EXT1: variants seen among roughly 807,000 people sequenced by gnomAD.
The protein encoded by EXT1 is exostosin glycosyltransferase 1, also known as exostosin-1.
EXT1 carries 20 observed loss-of-function variants against 82.5 expected under a neutral mutation model. The observed-to-expected ratio is 0.24, with a 90% CI of 0.17 to 0.35. The LOEUF (loss-of-function observed/expected upper bound fraction) is 0.35, where lower values mean the gene tolerates loss of function less well. Ranked by LOEUF, EXT1 falls within the 10% of genes least tolerant of loss-of-function variation. EXT1 has a pLI of 1.00. For missense variants in EXT1, 757 were observed against 936.5 expected, an observed-to-expected ratio of 0.81 and a Z score of 2.50; for synonymous variants, 348 against 350.8, an observed-to-expected ratio of 0.99 and a Z score of 0.09.
chr8:117,911,213 G>C (rs1201795234), intron 1 of EXT1, among the ~76,000 whole-genome samples: 2 of 152,152 alleles, frequency 1.3e-5, no homozygotes, highest in Non-Finnish European at 2.9e-5. Flanking sequence ...TTCCCCAGTT[G>C]TGTAATTAAG....
At chr8:117,936,279 A>G (rs1284180475) in intron 1 of EXT1, among the ~76,000 whole-genome samples, 1 of 149,500 alleles carries the variant, frequency 6.7e-6, no homozygotes, top group African/African-American at 2.6e-5. Context: ...TCTATACTCC[A>G]CATACCCCAC....
At chr8:117,879,367 G>C (rs1344292353) in intron 1 of EXT1, among the ~76,000 whole-genome samples, 2 of 151,744 alleles carry the variant, frequency 1.3e-5, no homozygotes, top group Non-Finnish European at 2.9e-5. Flanking sequence ...GGAGAAGTTA[G>C]AGAAAACTAA....
At position 117,977,896 on chromosome 8, in the gene EXT1, C is replaced by T. The variant is rs377490359; in HGVS notation, c.962+132189G>A. On this transcript the variant is annotated intron_variant, in intron 1 of 10. Coordinates refer to ENST00000378204, the MANE Select transcript of EXT1 (RefSeq NM_000127.3). Reference sequence around the variant, plus strand: ...TTTCTCCACCAAACTTAGAAAGTCCCTAAGGGGAGCTACGTATTGTCCAGA... The same window carrying T: ...TTTCTCCACCAAACTTAGAAAGTCCTTAAGGGGAGCTACGTATTGTCCAGA... 1.5e-4 allele frequency among the ~76,000 whole-genome samples: 23 copies of T among 152,238 alleles called. No individual in the cohort carries two copies. In the East Asian group the frequency reaches 3.3e-3, roughly 22 times the overall value.
chr8:118,038,540 T>C lies in EXT1; in HGVS notation c.962+71545A>G, dbSNP rs1358005766. Among the ~76,000 whole-genome samples, 3 of 152,202 alleles carry C rather than the reference T, an allele frequency of 2.0e-5. No individual in the cohort carries two copies. In the East Asian group the frequency reaches 5.8e-4, roughly 29 times the overall value. ...TAATTTAAAAACAGCTCAGGTCAGC[T>C]GCACCTCCTACTGCCAAAGCTGTAT... is the stretch of plus-strand genomic sequence containing the variant. On this transcript the variant is annotated intron_variant, in intron 1 of 10. Coordinates refer to ENST00000378204, the MANE Select transcript of EXT1 (RefSeq NM_000127.3).
intron 1 of EXT1, among the ~76,000 whole-genome samples, chr8:118,031,393 C>G (rs546791089): frequency 6.6e-6 from 1 of 151,880 alleles, no homozygotes; most frequent in African/African-American, 2.4e-5. Context: ...GGCGTGGTGG[C>G]CCGCACCTGT....
chr8:117,991,053 C>T (rs377354295), intron 1 of EXT1, among the ~76,000 whole-genome samples: 3 of 152,010 alleles, frequency 2.0e-5, no homozygotes, highest in African/African-American at 7.3e-5. Flanking sequence ...ACAGCCTTCC[C>T]AAGGTCCATA....
rs572084909 is a variant in EXT1 at position 117,795,475 on chromosome 8, C to T, written c.*4237G>A. The T allele has an allele frequency of 7.5e-6, 1 of 132,546 alleles. No individual in the cohort carries two copies. The highest frequency in any genetic ancestry group is 8.0e-5 in the Admixed American group (1 of 12,468). The allele number at this position is 132,546 out of a possible 1,614,324, so 8.2% of individuals were successfully genotyped here. A position where few individuals can be genotyped will look rare whatever the true frequency, so the allele number is the denominator to read the frequency against. On this transcript the variant is annotated 3_prime_UTR_variant, in exon 11 of 11. Transcript: ENST00000378204. ...GACCACTATCTTAGGGTACTTAATC[C>T]CCCAAGCTTTTTTTTTTTTTTAAAG...
chr8:117,846,686 T>C (rs1812367444), intron 1 of EXT1, among the ~76,000 whole-genome samples: 1 of 152,098 alleles, frequency 6.6e-6, no homozygotes, highest in South Asian at 2.1e-4. Context: ...GAGGTCATTA[T>C]CTTACCATTA....
At chr8:117,886,432 T>C (rs936650725) in intron 1 of EXT1, among the ~76,000 whole-genome samples, 2 of 152,168 alleles carry the variant, frequency 1.3e-5, no homozygotes, top group Admixed American at 1.3e-4. Flanking sequence ...ATGACACAAA[T>C]ACTTGGTGCT....
chr8:118,019,005 A>C (rs1037210198), intron 1 of EXT1, among the ~76,000 whole-genome samples: 12 of 152,104 alleles, frequency 7.9e-5, no homozygotes, highest in African/African-American at 2.7e-4. Flanking sequence ...CTACGGTTCA[A>C]TAAAAAAGCA....
intron 1 of EXT1, among the ~76,000 whole-genome samples, chr8:118,026,125 A>T (rs978954385): frequency 6.6e-6 from 1 of 152,200 alleles, no homozygotes; most frequent in African/African-American, 2.4e-5. Flanking sequence ...TTCCACCTGT[A>T]CAGCAAGAGA....
rs1490310664 is a variant in EXT1, at chr8:117,968,791, G to A, written c.963-131590C>T. Among the ~76,000 whole-genome samples, 2 of 130,056 alleles carry A rather than the reference G, an allele frequency of 1.5e-5. 1 individual carries two copies. Among genetic ancestry groups the A allele is most frequent in the East Asian group, 4.1e-4 (2 of 4,868 alleles). 85.3% of individuals were successfully genotyped at this position (130,056 alleles called of 152,430 possible). A position where few individuals can be genotyped will look rare whatever the true frequency, so the allele number is the denominator to read the frequency against. On this transcript the variant is annotated intron_variant, in intron 1 of 10. Transcript: ENST00000378204. The stretch of plus-strand genomic sequence containing the variant: ...TCACCAGGTTAGCCAGGATGGTCTC[G>A]ATCTCCTGACCTTGTGATCCGCCCG...
chr8:118,110,133 T>C lies in EXT1; in HGVS notation c.914A>G (p.Gln305Arg). Residue 305 changes from glutamine to arginine, a missense_variant, in exon 1 of 11, where the codon CAA (glutamine) becomes CGA (arginine). Transcript: ENST00000378204. ...GTCACAGCGAGAATCCTTGTGCTTT[T>C]GCCAGTCTTTGCCATGCTTGCAGGT... ...LTTCKHGKDWQKHKDSRCDRD... is the reference protein window; with the variant it reads ...LTTCKHGKDWRKHKDSRCDRD... 1 of 1,614,234 alleles carries C rather than the reference T, an allele frequency of 6.2e-7. No homozygotes were observed. Among genetic ancestry groups the C allele is most frequent in the Non-Finnish European group, 8.5e-7 (1 of 1,180,052 alleles).
intron 1 of EXT1, among the ~76,000 whole-genome samples, chr8:117,856,855 T>G (rs1812570990): frequency 6.6e-6 from 1 of 152,158 alleles, no homozygotes; most frequent in Admixed American, 6.5e-5. Context: ...AATCAATGAC[T>G]GGTGTAAAGG....
chr8:118,021,548 A>G (rs1816102855), intron 1 of EXT1, among the ~76,000 whole-genome samples: 1 of 152,244 alleles, frequency 6.6e-6, no homozygotes, highest in East Asian at 1.9e-4. Flanking sequence ...TTTTAAAAAC[A>G]TAAAAATTGT....
intron 1 of EXT1, among the ~76,000 whole-genome samples, chr8:118,060,698 T>C (rs2129941938): frequency 6.6e-6 from 1 of 152,218 alleles, no homozygotes; most frequent in East Asian, 1.9e-4. Flanking sequence ...AGTTCTCCAG[T>C]TAAAGGAGAG....
intron 1 of EXT1, among the ~76,000 whole-genome samples, chr8:117,979,931 T>C (rs139873518): frequency 2.0e-5 from 3 of 152,344 alleles, no homozygotes; most frequent in South Asian, 2.1e-4. Flanking sequence ...CAGAGCACCA[T>C]GGGTTACTGT....
chr8:118,002,762 G>A (rs1461458911), intron 1 of EXT1, among the ~76,000 whole-genome samples: 1 of 151,826 alleles, frequency 6.6e-6, no homozygotes, highest in Non-Finnish European at 1.5e-5. Flanking sequence ...TCGATTTCCT[G>A]AACTCGTGAT....
At chr8:117,988,743 G>A (rs1302294607) in intron 1 of EXT1, among the ~76,000 whole-genome samples, 1 of 152,150 alleles carries the variant, frequency 6.6e-6, no homozygotes, top group African/African-American at 2.4e-5. Flanking sequence ...GGGGATAGTA[G>A]AGGCAATGGA....
Sources: gnomAD v4.1 joint callset for allele counts (sites outside exome capture counted in the v4.1 genomes callset) on GRCh38, gnomAD v4.1.1 for gene constraint, MANE v1.5 for transcripts, NCBI Gene and HGNC (gene_info 2026-07-23, HGNC 2026-07-21) for gene names.